C18orf63: variants seen among roughly 807,000 people sequenced by gnomAD.
The protein encoded by C18orf63 is chromosome 18 open reading frame 63.
In C18orf63, 50 loss-of-function variants were observed where a neutral mutation model predicts 75.3. The observed-to-expected ratio is 0.66, with a 90% confidence interval of 0.53 to 0.84. C18orf63 has a LOEUF of 0.84. C18orf63 is among the 40% of genes least tolerant of loss of function. The pLI is 0.00. For synonymous variants in C18orf63, 232 were observed against 267.6 expected (o/e 0.87, Z 1.30); for missense variants, 732 against 800.2 (o/e 0.91, Z 1.03).
chr18:74,327,854 T>C (rs945526417), intron 4 of C18orf63, 93 bp from the exon 5 acceptor site: 13 of 724,280 alleles, frequency 1.8e-5, no homozygotes, highest in Non-Finnish European at 3.1e-5. Context: ...GTTTGTTGGG[T>C]GGTGATCTAA....
chr18:74,326,206 G>A (rs1401208123), intron 4 of C18orf63, among the ~76,000 whole-genome samples: 1 of 152,148 alleles, frequency 6.6e-6, no homozygotes, highest in Non-Finnish European at 1.5e-5. Flanking sequence ...TCCATCCTCT[G>A]CCAATAGATT....
chr18:74,340,547 C>G (rs980022272), intron 8 of C18orf63, among the ~76,000 whole-genome samples: 7 of 152,118 alleles, frequency 4.6e-5, no homozygotes, highest in Admixed American at 3.3e-4. Context: ...GAAGAGATAT[C>G]TGCACCCCCA....
At chr18:74,334,368 A>G (rs1984357878) in intron 7 of C18orf63, among the ~76,000 whole-genome samples, 1 of 152,082 alleles carries the variant, frequency 6.6e-6, no homozygotes, top group Admixed American at 6.6e-5. Flanking sequence ...GCAAATGGTT[A>G]CATTCTTGTG....
chr18:74,321,597 G>A (rs1189860866), intron 3 of C18orf63, among the ~76,000 whole-genome samples: 47 of 151,922 alleles, frequency 3.1e-4, no homozygotes, highest in Admixed American at 3.0e-3. Flanking sequence ...GAGCCACCGT[G>A]CCCAGCCATA....
chr18:74,322,140 A>G (rs531638184), intron 3 of C18orf63, among the ~76,000 whole-genome samples: 1 of 152,326 alleles, frequency 6.6e-6, no homozygotes, highest in South Asian at 2.1e-4. Flanking sequence ...AATACACTTT[A>G]AACTATAATA....
chr18:74,347,741 T>C (rs1984597634), intron 11 of C18orf63, among the ~76,000 whole-genome samples: 1 of 152,226 alleles, frequency 6.6e-6, no homozygotes, highest in South Asian at 2.1e-4. Context: ...ATCAGACTAC[T>C]TGATAAAACT....
At chr18:74,323,850 C>T (rs956542229) in intron 4 of C18orf63, among the ~76,000 whole-genome samples, 1 of 152,148 alleles carries the variant, frequency 6.6e-6, no homozygotes. Context: ...TCTTTTGATA[C>T]TCCAGGTTCC....
intron 10 of C18orf63, among the ~76,000 whole-genome samples, chr18:74,342,528 A>G (rs112897468): frequency 2.6e-5 from 4 of 152,336 alleles, no homozygotes; most frequent in African/African-American, 9.6e-5. Flanking sequence ...GATGAGCTCA[A>G]TAAGGATATT....
intron 13 of C18orf63, among the ~76,000 whole-genome samples, chr18:74,355,327 T>C (rs199653160): frequency 2.5e-5 from 1 of 39,814 alleles, no homozygotes; most frequent in Non-Finnish European, 8.3e-5. Context: ...CATCTTAATA[T>C]TTTAATGCAC....
At chr18:74,352,897 G>A (rs1984691948) in intron 11 of C18orf63, among the ~76,000 whole-genome samples, 1 of 152,168 alleles carries the variant, frequency 6.6e-6, no homozygotes, top group African/African-American at 2.4e-5. Flanking sequence ...GGGACTTTGA[G>A]TATCTGAAGG....
intron 13 of C18orf63, among the ~76,000 whole-genome samples, chr18:74,355,411 A>G (rs896701054): frequency 2.0e-5 from 3 of 152,204 alleles, no homozygotes; most frequent in African/African-American, 7.2e-5. Context: ...AATGAAATCT[A>G]TTCTAGGTTT....
intron 6 of C18orf63, among the ~76,000 whole-genome samples, chr18:74,329,384 A>C (rs1462682011): frequency 3.3e-5 from 5 of 151,852 alleles, no homozygotes; most frequent in Admixed American, 6.6e-5. Flanking sequence ...AAAAAAAAAA[A>C]AAAAAAAAAA....
At chr18:74,340,570 C>T (rs938621708) in intron 8 of C18orf63, among the ~76,000 whole-genome samples, 6 of 152,120 alleles carry the variant, frequency 3.9e-5, no homozygotes, top group Non-Finnish European at 7.4e-5. Flanking sequence ...TTCATTTCAG[C>T]ATTATTCATA....
At chr18:74,342,401 C>A in intron 10 of C18orf63, 75 bp downstream of exon 10, 2 of 834,814 alleles carry the variant, frequency 2.4e-6, no homozygotes, top group South Asian at 1.5e-5. Context: ...ACTCTCATGT[C>A]ATACTTTTCA....
At chr18:74,341,063 G>A (rs1253124297) in intron 8 of C18orf63, among the ~76,000 whole-genome samples, 2 of 150,802 alleles carry the variant, frequency 1.3e-5, no homozygotes, top group African/African-American at 4.9e-5. Context: ...CGGAGATCGA[G>A]ACCATCCCGG....
At chr18:74,350,955 T>G (rs770308968) in intron 11 of C18orf63, among the ~76,000 whole-genome samples, 51 of 152,154 alleles carry the variant, frequency 3.4e-4, no homozygotes, top group South Asian at 6.2e-4. Flanking sequence ...GTGCTCTTAT[T>G]TAAAAGGCCC....
At chr18:74,329,360 C>G (rs1285065629) in intron 6 of C18orf63, among the ~76,000 whole-genome samples, 1 of 109,242 alleles carries the variant, frequency 9.2e-6, no homozygotes, top group African/African-American at 3.8e-5. Context: ...GGTGACAGAG[C>G]AAGACCCTAT....
Position 74,354,241 on chromosome 18 carries a change from T to C in C18orf63, c.1974T>C (p.Tyr658=), listed in dbSNP as rs1984725031. ...AGCATCATTCCGATACTGTGCACTATGGCCAATCCAGTTCTTCTAAGAAGC... is the reference window on the plus strand; with the variant it reads ...AGCATCATTCCGATACTGTGCACTACGGCCAATCCAGTTCTTCTAAGAAGC... ...SKKHHSDTVH[Y]GQSSSSKKQI... is the part of the protein sequence containing the mutation. The change falls in exon 12 of 14, where the codon TAT becomes TAC. Residue 658 remains tyrosine (Y), a synonymous_variant. Transcript: ENST00000579455. 6.6e-7 allele frequency: 1 copy of C among 1,520,708 alleles called. No homozygotes were observed. The highest frequency in any genetic ancestry group is 1.2e-5 in the South Asian group (1 of 81,464). The allele number at this position is 1,520,708 out of a possible 1,614,324, so 94.2% of individuals were successfully genotyped here.
intron 11 of C18orf63, among the ~76,000 whole-genome samples, chr18:74,346,182 T>C (rs1443357782): frequency 1.3e-5 from 2 of 152,186 alleles, no homozygotes; most frequent in South Asian, 2.1e-4. Flanking sequence ...TATTTTAATA[T>C]GTATTTATTA....
Sources: allele counts gnomAD v4.1 joint callset (sites outside exome capture counted in the v4.1 genomes callset), GRCh38; gene constraint gnomAD v4.1.1; transcripts MANE v1.5; gene names NCBI Gene and HGNC (gene_info 2026-07-23, HGNC 2026-07-21).